Variants in IRF2 observed in about 807,000 individuals in gnomAD.
IRF2 encodes interferon regulatory factor 2.
In IRF2, 15 loss-of-function variants were observed where a neutral mutation model predicts 40.6. The ratio of observed to expected loss-of-function variants is 0.37; its 90% confidence interval spans 0.25 to 0.57. The LOEUF is 0.57. IRF2 is among the 20% of genes least tolerant of loss of function. IRF2 has a pLI of 0.77. For synonymous variants in IRF2, 151 were observed against 165.5 expected, an observed-to-expected ratio of 0.91 and a Z score of 0.67; for missense variants, 317 against 455.7, an observed-to-expected ratio of 0.70 and a Z score of 2.77.
At chr4:184,396,873 C>A (rs899886937) in intron 7 of IRF2, among the ~76,000 whole-genome samples, 1 of 152,104 alleles carries the variant, frequency 6.6e-6, no homozygotes, top group Non-Finnish European at 1.5e-5. Flanking sequence ...GAGGCTGAGG[C>A]GAGCAGATCA....
At position 184,468,069 on chromosome 4, in the gene IRF2, A is replaced by G. The variant is rs560873571; in HGVS notation, c.-7+6310T>C. On this transcript the variant is annotated intron_variant, in intron 1 of 8. Coordinates refer to ENST00000393593, the MANE Select transcript of IRF2 (RefSeq NM_002199.4). ...TTCTTGCTTATCAGAAGGGAATACT[A>G]AACTGATAAAGGAGTTATAAACCAA... 3.9e-5 allele frequency among the ~76,000 whole-genome samples: 6 copies of G among 152,348 alleles called. No individual in the cohort carries two copies. In the East Asian group the frequency reaches 9.6e-4, roughly 24 times the overall value.
In IRF2 at chr4:184,432,758, G is replaced by A. The variant is rs117256412; in HGVS notation, c.-6-3688C>T. ...ACAGACACAGAGGGAGGATGGGCACGTGAAGCCAAAGGCAGAGACTGCAGT... is the reference window on the plus strand; with the variant it reads ...ACAGACACAGAGGGAGGATGGGCACATGAAGCCAAAGGCAGAGACTGCAGT... On this transcript the variant is annotated intron_variant, in intron 1 of 8. Coordinates refer to ENST00000393593, the MANE Select transcript of IRF2 (RefSeq NM_002199.4). 2.2e-4 allele frequency among the ~76,000 whole-genome samples: 33 copies of A among 152,348 alleles called. No individual in the cohort carries two copies. The East Asian group carries it at 5.4e-3, about 25-fold the overall frequency.
At chr4:184,461,026 G>A (rs1739125176) in intron 1 of IRF2, among the ~76,000 whole-genome samples, 1 of 152,150 alleles carries the variant, frequency 6.6e-6, no homozygotes, top group Non-Finnish European at 1.5e-5. Context: ...TTCAAAAATA[G>A]TGCCAAGAGT....
intron 1 of IRF2, among the ~76,000 whole-genome samples, chr4:184,460,684 C>T (rs886800578): frequency 6.7e-6 from 1 of 150,268 alleles, no homozygotes; most frequent in African/African-American, 2.4e-5. Flanking sequence ...CACACATGCA[C>T]GCACACACAC....
intron 2 of IRF2, among the ~76,000 whole-genome samples, chr4:184,420,411 A>G (rs1737441613): frequency 6.6e-6 from 1 of 152,250 alleles, no homozygotes; most frequent in African/African-American, 2.4e-5. Flanking sequence ...AATAGAAAGT[A>G]ATGTTCGAAT....
At chr4:184,412,926 G>A (rs547464901) in intron 5 of IRF2, among the ~76,000 whole-genome samples, 1 of 152,326 alleles carries the variant, frequency 6.6e-6, no homozygotes, top group African/African-American at 2.4e-5. Context: ...ACTCACTCAA[G>A]TGCTGTACCC....
In IRF2 at chr4:184,413,234, T is replaced by C. The variant is rs1488006900; in HGVS notation, c.411+4933A>G. ...CGGTGAGAAAGGCCTCCCTTACATA[T>C]CAATTCCCGCCTGCTCTAAGTGTGC... On this transcript the variant is annotated intron_variant, in intron 5 of 8. Transcript: ENST00000393593. The surrounding 1 kb of genome is among the most constrained non-coding windows in gnomAD (Gnocchi z 4.2). Among the ~76,000 whole-genome samples the C allele has an allele frequency of 2.0e-5, 3 of 152,124 alleles. No homozygotes were observed. The highest frequency in any genetic ancestry group is 7.2e-5 in the African/African-American group (3 of 41,410).
chr4:184,391,322 T>C (rs1316885720), intron 7 of IRF2, among the ~76,000 whole-genome samples: 1 of 152,198 alleles, frequency 6.6e-6, no homozygotes, highest in African/African-American at 2.4e-5. Flanking sequence ...TGAGTGTGGA[T>C]GGAATGTGTC....
intron 5 of IRF2, among the ~76,000 whole-genome samples, chr4:184,417,206 G>A (rs955775663): frequency 2.6e-5 from 4 of 152,122 alleles, no homozygotes; most frequent in Non-Finnish European, 5.9e-5. Flanking sequence ...GATGGCCTAT[G>A]GGGTAAATTT....
rs571354898 is a variant in IRF2 at position 184,434,355 on chromosome 4, T to C, written c.-6-5285A>G. ...TTGATCATCTAGAAAAATGGGACGTTTTAAACAGATGATTCCTGGGGTTAT... is the reference window on the plus strand; with the variant it reads ...TTGATCATCTAGAAAAATGGGACGTCTTAAACAGATGATTCCTGGGGTTAT... On this transcript the variant is annotated intron_variant, in intron 1 of 8. Transcript: ENST00000393593. 7.9e-5 allele frequency among the ~76,000 whole-genome samples: 12 copies of C among 152,340 alleles called. 1 individual carries two copies. Among genetic ancestry groups the C allele is most frequent in the African/African-American group, 2.6e-4 (11 of 41,572 alleles).
At chr4:184,439,380 C>T (rs952972961) in intron 1 of IRF2, among the ~76,000 whole-genome samples, 17 of 149,570 alleles carry the variant, frequency 1.1e-4, no homozygotes, top group Admixed American at 6.0e-4. Context: ...TCCCTGGCCC[C>T]ACTCTAATAA....
chr4:184,452,968 C>G (rs920900001), intron 1 of IRF2, among the ~76,000 whole-genome samples: 1 of 151,826 alleles, frequency 6.6e-6, no homozygotes, highest in Non-Finnish European at 1.5e-5. Flanking sequence ...ACCCTTGGAC[C>G]CAGCCATGTC....
chr4:184,446,311 T>C (rs1421606024), intron 1 of IRF2, among the ~76,000 whole-genome samples: 1 of 152,178 alleles, frequency 6.6e-6, no homozygotes, highest in African/African-American at 2.4e-5. Flanking sequence ...AGGGTAGGTA[T>C]TGGCAGAAAG....
At chr4:184,453,536 G>T (rs891352199) in intron 1 of IRF2, among the ~76,000 whole-genome samples, 28 of 152,238 alleles carry the variant, frequency 1.8e-4, no homozygotes, top group African/African-American at 6.8e-4. Context: ...ACATGACCTC[G>T]AGAAGGCACA....
chr4:184,445,666 A>AAG lies in IRF2; in HGVS notation c.-6-16597_-6-16596insCT, dbSNP rs1554016522. Among the ~76,000 whole-genome samples, 414 of 151,634 alleles carry AAG rather than the reference A, an allele frequency of 2.7e-3. 1 individual carries two copies. Among genetic ancestry groups the AAG allele is most frequent in the Non-Finnish European group, 3.9e-3 (263 of 67,842 alleles). On this transcript the variant is annotated intron_variant, in intron 1 of 8. Transcript: ENST00000393593. Reference sequence around the variant, plus strand: ...TGAGACTCCATCACAAAAAAAAAAAAAAGAAGAAGAAGAAGAACAATACAG... The same window carrying AAG: ...TGAGACTCCATCACAAAAAAAAAAAAAGAAGAAGAAGAAGAAGAACAATACAG...
chr4:184,398,071 T>C (rs1561084160), intron 7 of IRF2, among the ~76,000 whole-genome samples: 1 of 152,032 alleles, frequency 6.6e-6, no homozygotes, highest in Non-Finnish European at 1.5e-5. Context: ...AGAGAAAATA[T>C]GTGGAAAGGA....
intron 1 of IRF2, among the ~76,000 whole-genome samples, chr4:184,462,627 C>A (rs1237253237): frequency 6.6e-6 from 1 of 152,168 alleles, no homozygotes; most frequent in African/African-American, 2.4e-5. Flanking sequence ...TTTATCCCTA[C>A]AAGAAAGTAT....
chr4:184,473,306 G>A (rs967785093), intron 1 of IRF2, among the ~76,000 whole-genome samples: 21 of 149,804 alleles, frequency 1.4e-4, no homozygotes, highest in Non-Finnish European at 2.8e-4. Flanking sequence ...TGCGCCGCTC[G>A]GTCCCCGGAG....
chr4:184,394,301 C>T (rs1214744308), intron 7 of IRF2, among the ~76,000 whole-genome samples: 1 of 152,138 alleles, frequency 6.6e-6, no homozygotes, highest in Non-Finnish European at 1.5e-5. Context: ...ACTCTCTATC[C>T]AGTCCAGTTT....
Sources: allele counts gnomAD v4.1 joint callset (sites outside exome capture counted in the v4.1 genomes callset), GRCh38; gene constraint gnomAD v4.1.1; non-coding constraint Gnocchi (gnomAD v3.1); transcripts MANE v1.5; gene names NCBI Gene and HGNC (gene_info 2026-07-23, HGNC 2026-07-21).